LIN28A: variants seen among roughly 807,000 people sequenced by gnomAD.
LIN28A encodes the protein protein lin-28 homolog A.
Under a neutral mutation model 21.1 loss-of-function variants are expected in LIN28A, and 11 were observed. The observed-to-expected ratio is 0.52, with a 90% CI of 0.33 to 0.86. LIN28A has a LOEUF of 0.86. Among genes scored for constraint, LIN28A ranks in the 40% least tolerant of loss-of-function variants. LIN28A has a pLI of 0.03. For synonymous variants in LIN28A, 111 were observed against 108.7 expected (o/e 1.02, Z -0.13); for missense variants, 219 against 279.8 (o/e 0.78, Z 1.55).
intron 2 of LIN28A, among the ~76,000 whole-genome samples, chr1:26,412,674 A>G (rs1411809613): frequency 3.3e-5 from 5 of 150,780 alleles, no homozygotes; most frequent in African/African-American, 1.2e-4. Flanking sequence ...TGGCTTTAGG[A>G]GGTGTGGGGG....
At chr1:26,421,928 T>C (rs2075030419) in intron 2 of LIN28A, among the ~76,000 whole-genome samples, 1 of 152,212 alleles carries the variant, frequency 6.6e-6, no homozygotes, top group South Asian at 2.1e-4. Context: ...TAGTTTTTTT[T>C]TTGAAACCAT....
chr1:26,411,510 G>T lies in LIN28A; in HGVS notation c.156G>T (p.Gly52=), dbSNP rs775819930. 6 of 1,614,174 alleles carry T rather than the reference G, an allele frequency of 3.7e-6. No homozygotes were observed. In the Admixed American group the frequency reaches 1.0e-4, roughly 27 times the overall value. The part of the protein sequence containing the change: ...GICKWFNVRM[G]FGFLSMTARA... ...GTAAGTGGTTCAACGTGCGCATGGG[G>T]TTCGGCTTCCTGTCCATGACCGCCC... Residue 52 remains glycine, a synonymous_variant, in exon 2 of 4, where the codon GGG becomes GGT. Coordinates refer to ENST00000326279, the MANE Select transcript of LIN28A (RefSeq NM_024674.6). This position sits in a 1 kb window ranked among gnomAD's most constrained non-coding sequence, Gnocchi z 5.4.
At chr1:26,413,014 C>A (rs559543373) in intron 2 of LIN28A, among the ~76,000 whole-genome samples, 4 of 152,214 alleles carry the variant, frequency 2.6e-5, no homozygotes, top group Admixed American at 2.6e-4. Flanking sequence ...TCTCCCTTCT[C>A]TGTCTCATTT....
chr1:26,425,608 G>C lies in LIN28A; in HGVS notation c.413+121G>C, dbSNP rs977617583. 6.4e-6 allele frequency: 6 copies of C among 935,574 alleles called. No individual in the cohort carries two copies. The African/African-American group carries it at 1.0e-4, about 16-fold the overall frequency. The allele number at this position is 935,574 out of a possible 1,614,324, so 58.0% of individuals were successfully genotyped here. On this transcript the variant is annotated intron_variant, in intron 3 of 3. Transcript: ENST00000326279. ...AGCCTGTGGTCCCTGGCAGCATCTGGAAGGCTGAGCGCCTGCAATAGGTGT... is the reference window on the plus strand; with the variant it reads ...AGCCTGTGGTCCCTGGCAGCATCTGCAAGGCTGAGCGCCTGCAATAGGTGT...
rs552573957 is a variant in LIN28A, at chr1:26,416,449, C to T, written c.228+4867C>T. Among the ~76,000 whole-genome samples, 7 of 152,340 alleles carry T rather than the reference C, an allele frequency of 4.6e-5. No homozygotes were observed. The South Asian group carries it at 1.4e-3, about 32-fold the overall frequency. On this transcript the variant is annotated intron_variant, in intron 2 of 3. Coordinates refer to ENST00000326279, the MANE Select transcript of LIN28A (RefSeq NM_024674.6). ...TTTTTTGAACATTGCTAATCACACT[C>T]TACTGGAATTCTTGTTTTTTGGAGT...
At chr1:26,426,032 T>C (rs1320514513) in intron 3 of LIN28A, among the ~76,000 whole-genome samples, 1 of 152,174 alleles carries the variant, frequency 6.6e-6, no homozygotes, top group Non-Finnish European at 1.5e-5. Context: ...CAAGTTGACA[T>C]GAATCTGAAG....
Position 26,428,409 on chromosome 1 carries a change from C to T in LIN28A, c.*1951C>T, listed in dbSNP as rs1039347789. 1.3e-5 allele frequency: 2 copies of T among 152,190 alleles called. No homozygotes were observed. Among genetic ancestry groups the T allele is most frequent in the African/African-American group, 2.4e-5 (1 of 41,424 alleles). The allele number at this position is 152,190 out of a possible 1,614,324, so 9.4% of individuals were successfully genotyped here. On this transcript the variant is annotated 3_prime_UTR_variant, in exon 4 of 4. Coordinates refer to ENST00000326279, the MANE Select transcript of LIN28A (RefSeq NM_024674.6). ...ACCCCCAAAAGAAAACTTACACACC[C>T]ACACACATACACATTTCATGCTTGG...
chr1:26,422,823 A>T lies in LIN28A; in HGVS notation c.229-2480A>T, dbSNP rs1350826933. Among the ~76,000 whole-genome samples the T allele has an allele frequency of 2.0e-5, 3 of 152,182 alleles. No individual in the cohort carries two copies. In the East Asian group the frequency reaches 5.8e-4, roughly 29 times the overall value. ...TTTCCCATAGCCTTTAGAATCACTC[A>T]ATCTTCCAATCCAAGATCGTGGTAT... On this transcript the variant is annotated intron_variant, in intron 2 of 3. Coordinates refer to ENST00000326279, the MANE Select transcript of LIN28A (RefSeq NM_024674.6).
intron 2 of LIN28A, among the ~76,000 whole-genome samples, chr1:26,414,180 G>T (rs2074979654): frequency 6.6e-6 from 1 of 152,180 alleles, no homozygotes; most frequent in Non-Finnish European, 1.5e-5. Flanking sequence ...AAGGAATTTA[G>T]TAAACACAGG....
chr1:26,418,003 GTTT>G (rs59199267), intron 2 of LIN28A, among the ~76,000 whole-genome samples: 1 of 142,898 alleles, frequency 7.0e-6, no homozygotes, highest in Non-Finnish European at 1.5e-5. Context: ...CCTTTGTGTT[GTTT>G]TTTTTTTTTC....
chr1:26,424,243 TTTTA>T (rs1329416558), intron 2 of LIN28A, among the ~76,000 whole-genome samples: 9 of 152,194 alleles, frequency 5.9e-5, no homozygotes, highest in Non-Finnish European at 1.0e-4. Context: ...TTTATTTTTA[TTTTA>T]TTTATTTATT....
At chr1:26,419,526 T>G (rs2075016610) in intron 2 of LIN28A, among the ~76,000 whole-genome samples, 1 of 152,158 alleles carries the variant, frequency 6.6e-6, no homozygotes, top group Non-Finnish European at 1.5e-5. Flanking sequence ...CTTCTAAGTT[T>G]CTATAGCTAG....
chr1:26,416,170 T>G (rs545036184), intron 2 of LIN28A, among the ~76,000 whole-genome samples: 1 of 152,198 alleles, frequency 6.6e-6, no homozygotes, highest in South Asian at 2.1e-4. Context: ...TTTTAGTATT[T>G]TTAGTAGAGA....
At chr1:26,417,620 T>G (rs186572267) in intron 2 of LIN28A, among the ~76,000 whole-genome samples, 48 of 152,326 alleles carry the variant, frequency 3.2e-4, no homozygotes, top group African/African-American at 1.1e-3. Flanking sequence ...AAGGTGCTTA[T>G]TAACCCCTCT....
intron 2 of LIN28A, among the ~76,000 whole-genome samples, chr1:26,425,100 T>C (rs985822440): frequency 3.3e-5 from 5 of 152,202 alleles, no homozygotes; most frequent in African/African-American, 1.2e-4. Context: ...TGTCATGGCA[T>C]CTGCTTATAT....
chr1:26,418,612 T>C (rs1259665463), intron 2 of LIN28A, among the ~76,000 whole-genome samples: 1 of 151,620 alleles, frequency 6.6e-6, no homozygotes. Flanking sequence ...AGTAGGCCCA[T>C]GTAGGCTCCC....
chr1:26,413,671 A>C (rs893854136), intron 2 of LIN28A, among the ~76,000 whole-genome samples: 1 of 152,136 alleles, frequency 6.6e-6, no homozygotes, highest in Non-Finnish European at 1.5e-5. Flanking sequence ...TGATGGGTGG[A>C]AATTCCCTGA....
intron 2 of LIN28A, among the ~76,000 whole-genome samples, chr1:26,413,369 T>C (rs1157996515): frequency 2.0e-5 from 3 of 151,904 alleles, no homozygotes. Flanking sequence ...CCAAGGAAGG[T>C]GTTTTCTTGT....
chr1:26,414,557 C>T (rs562609084), intron 2 of LIN28A, among the ~76,000 whole-genome samples: 8 of 152,144 alleles, frequency 5.3e-5, no homozygotes, highest in East Asian at 1.9e-4. Flanking sequence ...CTAAGCAAAA[C>T]GACAACAAAA....
Sources: allele counts gnomAD v4.1 joint callset (sites outside exome capture counted in the v4.1 genomes callset), GRCh38; gene constraint gnomAD v4.1.1; non-coding constraint Gnocchi (gnomAD v3.1); transcripts MANE v1.5; gene names NCBI Gene and HGNC (gene_info 2026-07-23, HGNC 2026-07-21).